Variants in ICA1 observed in about 807,000 individuals in gnomAD.
The protein encoded by ICA1 is 69 kDa islet cell autoantigen.
In ICA1, 40 loss-of-function variants were observed where a neutral mutation model predicts 71.0. The ratio of observed to expected loss-of-function variants is 0.56; its 90% CI spans 0.44 to 0.73. ICA1 has a LOEUF of 0.73. Among genes scored for constraint, ICA1 ranks in the 30% least tolerant of loss-of-function variants. ICA1 has a pLI of 0.00. For synonymous variants in ICA1, 207 were observed against 209.5 expected, an observed-to-expected ratio of 0.99 and a Z score of 0.10; for missense variants, 578 against 576.5, an observed-to-expected ratio of 1.00 and a Z score of -0.03.
In ICA1 at chr7:8,144,544, G is replaced by A. The variant is rs1013208106; in HGVS notation, c.805-572C>T. On this transcript the variant is annotated intron_variant, in intron 8 of 13. Coordinates refer to ENST00000402384, the MANE Select transcript of ICA1 (RefSeq NM_001136020.3). This position sits in a 1 kb window ranked among gnomAD's most constrained non-coding sequence, Gnocchi z 4.5. ...ACTCCCACGAGTGGACAGAGCAGGT[G>A]CATCCAAATCTTTGTAGATTAAAAT... Among the ~76,000 whole-genome samples, 2 of 152,182 alleles carry A rather than the reference G, an allele frequency of 1.3e-5. No individual in the cohort carries two copies. The highest frequency in any genetic ancestry group is 4.8e-5 in the African/African-American group (2 of 41,442).
chr7:8,152,932 C>T (rs1040939966), intron 8 of ICA1, among the ~76,000 whole-genome samples: 15 of 151,268 alleles, frequency 9.9e-5, no homozygotes, highest in Admixed American at 5.9e-4. Flanking sequence ...CCCACCACTA[C>T]CACCATCACC....
At chr7:8,128,823 A>G (rs948133076) in intron 12 of ICA1, among the ~76,000 whole-genome samples, 2 of 152,190 alleles carry the variant, frequency 1.3e-5, no homozygotes, top group Admixed American at 6.5e-5. Context: ...ACACAGTTCG[A>G]GGGGCGTTGA....
chr7:8,201,948 TAAGC>T (rs959378109), intron 6 of ICA1, among the ~76,000 whole-genome samples: 32 of 152,232 alleles, frequency 2.1e-4, no homozygotes, highest in African/African-American at 5.5e-4. Context: ...TGCAGCAAGA[TAAGC>T]AAGAAACCGG....
intron 6 of ICA1, among the ~76,000 whole-genome samples, chr7:8,206,733 G>GAAAAAA (rs60704635): frequency 5.9e-4 from 80 of 135,564 alleles, no homozygotes; most frequent in African/African-American, 1.5e-3. Context: ...GGTTTAAAAT[G>GAAAAAA]AAAAAAAAAA....
At chr7:8,188,138 C>A (rs1784453083) in intron 6 of ICA1, among the ~76,000 whole-genome samples, 1 of 152,112 alleles carries the variant, frequency 6.6e-6, no homozygotes, top group Non-Finnish European at 1.5e-5. Flanking sequence ...ATAATGTTTT[C>A]TTGGGGTGTT....
At chr7:8,212,473 A>G (rs1794120701) in intron 6 of ICA1, among the ~76,000 whole-genome samples, 1 of 124,060 alleles carries the variant, frequency 8.1e-6, no homozygotes, top group African/African-American at 3.2e-5. Context: ...GCTGGGGCAC[A>G]AGAAATGCTT....
At position 8,130,999 on chromosome 7, in the gene ICA1, C is replaced by A. The variant is rs985737039; in HGVS notation, c.1061-2857G>T. On this transcript the variant is annotated intron_variant, in intron 12 of 13. Transcript: ENST00000402384. The surrounding 1 kb of genome is among the most constrained non-coding windows in gnomAD (Gnocchi z 4.2). ...CCTTACCCTCCACCCCAGTGAATGA[C>A]TGATGAGGCTGGCCAGAGTCCTCCA... is the stretch of plus-strand genomic sequence containing the variant. Among the ~76,000 whole-genome samples the A allele has an allele frequency of 6.6e-6, 1 of 152,182 alleles. No individual in the cohort carries two copies. Among genetic ancestry groups the A allele is most frequent in the South Asian group, 2.1e-4 (1 of 4,832 alleles).
intron 6 of ICA1, among the ~76,000 whole-genome samples, chr7:8,169,240 T>C (rs1042459787): frequency 6.6e-6 from 1 of 152,194 alleles, no homozygotes; most frequent in Non-Finnish European, 1.5e-5. Flanking sequence ...TGTATGAATA[T>C]ACTGTTACTT....
At chr7:8,193,914 G>A (rs769015209) in intron 6 of ICA1, among the ~76,000 whole-genome samples, 1 of 152,152 alleles carries the variant, frequency 6.6e-6, no homozygotes, top group South Asian at 2.1e-4. Context: ...TGTGATAGAT[G>A]GAGTTTCTGT....
intron 6 of ICA1, among the ~76,000 whole-genome samples, chr7:8,206,617 A>G (rs1414023109): frequency 6.6e-6 from 1 of 151,270 alleles, no homozygotes; most frequent in Admixed American, 6.6e-5. Flanking sequence ...GTATGGTGAA[A>G]CCTCAACCTC....
At chr7:8,126,118 A>G (rs1239230436) in intron 13 of ICA1, among the ~76,000 whole-genome samples, 2 of 152,176 alleles carry the variant, frequency 1.3e-5, no homozygotes, top group African/African-American at 4.8e-5. Flanking sequence ...GGGCTCTTAC[A>G]ATGACTGACA....
intron 2 of ICA1, 145 bp from the exon 3 acceptor site, chr7:8,232,900 G>T: frequency 1.5e-6 from 1 of 652,624 alleles, no homozygotes. Flanking sequence ...TCTTATCTGG[G>T]TGTTACACCA....
At chr7:8,242,912 A>T (rs1804506479) in intron 1 of ICA1, among the ~76,000 whole-genome samples, 1 of 152,232 alleles carries the variant, frequency 6.6e-6, no homozygotes, top group South Asian at 2.1e-4. Flanking sequence ...TCTGAAATTG[A>T]GGCAATAATT....
At position 8,157,097 on chromosome 7, in the gene ICA1, G is replaced by C. The variant is rs1260191818; in HGVS notation, c.804+19C>G. 6.2e-7 allele frequency: 1 copy of C among 1,614,112 alleles called. No homozygotes were observed. Among genetic ancestry groups the C allele is most frequent in the South Asian group, 1.1e-5 (1 of 91,074 alleles). On this transcript the variant is annotated intron_variant, in intron 8 of 13. Transcript: ENST00000402384. ...TTACTTTTCTCAAGATTTTCTAGTG[G>C]CCCCTCTAGCTTCCATACCTTTAAA...
At position 8,158,522 on chromosome 7, in the gene ICA1, G is replaced by C; in HGVS notation, c.705+5C>G. 1 of 1,613,534 alleles carries C rather than the reference G, an allele frequency of 6.2e-7. No individual in the cohort carries two copies. Among genetic ancestry groups the C allele is most frequent in the Non-Finnish European group, 8.5e-7 (1 of 1,179,790 alleles). ...GGTTCATTGCAACAAACATTATTTT[G>C]TTACCTGGTATGTTGCTAGCATGTG... is the stretch of plus-strand genomic sequence containing the variant. On this transcript the variant is annotated splice_donor_5th_base_variant and intron_variant, in intron 7 of 13. Transcript: ENST00000402384.
chr7:8,145,764 A>ATATATATATATATATG lies in ICA1; in HGVS notation c.805-1793_805-1792insCATATATATATATATA, dbSNP rs55971486. Among the ~76,000 whole-genome samples, 195 of 136,300 alleles carry ATATATATATATATATG rather than the reference A, an allele frequency of 1.4e-3. 13 individuals carry two copies. The highest frequency in any genetic ancestry group is 6.3e-3 in the South Asian group (27 of 4,290). 89.4% of individuals were successfully genotyped at this position (136,300 alleles called of 152,430 possible). ...AATCATTGTGTATATATATATATAT[A>ATATATATATATATATG]TATGTATATAAAATATATAGAGAGA... is the stretch of plus-strand genomic sequence containing the variant. On this transcript the variant is annotated intron_variant, in intron 8 of 13. Transcript: ENST00000402384.
At chr7:8,152,181 G>C (rs371429845) in intron 8 of ICA1, among the ~76,000 whole-genome samples, 3 of 152,038 alleles carry the variant, frequency 2.0e-5, no homozygotes, top group South Asian at 2.1e-4. Context: ...AGCCAGGCAG[G>C]GGGTGGGTTG....
At chr7:8,186,798 C>T (rs758990687) in intron 6 of ICA1, among the ~76,000 whole-genome samples, 19 of 152,236 alleles carry the variant, frequency 1.2e-4, no homozygotes, top group South Asian at 6.2e-4. Flanking sequence ...AGGGCCTCAA[C>T]GTGCCACTGA....
intron 8 of ICA1, among the ~76,000 whole-genome samples, chr7:8,145,388 T>C (rs2128136218): frequency 6.6e-6 from 1 of 152,276 alleles, no homozygotes; most frequent in Non-Finnish European, 1.5e-5. Flanking sequence ...CTGTCTTTGT[T>C]CATTCTGCTT....
Sources: allele counts gnomAD v4.1 joint callset (sites outside exome capture counted in the v4.1 genomes callset), GRCh38; gene constraint gnomAD v4.1.1; non-coding constraint Gnocchi (gnomAD v3.1); transcripts MANE v1.5; gene names NCBI Gene and HGNC (gene_info 2026-07-23, HGNC 2026-07-21).